The following PCDH15 variants were observed in gnomAD, a reference collection of about 807,000 sequenced individuals.
PCDH15 encodes the protein protocadherin-15.
In PCDH15, 129 loss-of-function variants were observed where a neutral mutation model predicts 178.5. The observed-to-expected ratio is 0.72, with a 90% CI of 0.63 to 0.84. PCDH15 has a LOEUF of 0.84. Ranked by LOEUF, PCDH15 falls within the 40% of genes least tolerant of loss-of-function variation. The probability of loss-of-function intolerance (pLI) is 0.00; values close to 1 mark genes in which losing one functional copy is unlikely to be tolerated. For synonymous variants in PCDH15, 800 were observed against 732.0 expected (o/e 1.09, Z -1.50); for missense variants, 2,230 against 2,099.9 (o/e 1.06, Z -1.21).
At chr10:55,334,238 A>ATGTGTGTG (rs1342496492) in intron 2 of PCDH15, among the ~76,000 whole-genome samples, 7 of 97,308 alleles carry the variant, frequency 7.2e-5, no homozygotes, top group African/African-American at 1.1e-4. Flanking sequence ...ATATATATAT[A>ATGTGTGTG]TATATGTGTG....
chr10:53,944,553 A>G (rs938479960), intron 23 of PCDH15, among the ~76,000 whole-genome samples: 11 of 152,292 alleles, frequency 7.2e-5, no homozygotes, highest in African/African-American at 2.6e-4. Context: ...CTTCCAATTT[A>G]AGCTTTTCGC....
intron 8 of PCDH15, among the ~76,000 whole-genome samples, chr10:54,288,663 T>A (rs1002555998): frequency 1.3e-5 from 2 of 152,184 alleles, no homozygotes; most frequent in African/African-American, 4.8e-5. Context: ...CCCGCCCAAA[T>A]ACTGTGCTTT....
chr10:54,211,340 G>A (rs1017908984), intron 10 of PCDH15, among the ~76,000 whole-genome samples: 3 of 152,076 alleles, frequency 2.0e-5, no homozygotes, highest in Admixed American at 6.6e-5. Flanking sequence ...TGTTCACAGT[G>A]TATATCACAT....
At chr10:55,503,395 A>AATTAT (rs1397837010) in intron 2 of PCDH15, among the ~76,000 whole-genome samples, 1 of 148,454 alleles carries the variant, frequency 6.7e-6, no homozygotes, top group East Asian at 2.0e-4. Flanking sequence ...AATAATTTAA[A>AATTAT]ATTATATTGT....
chr10:55,112,492 A>T (rs2252645), intron 2 of PCDH15, among the ~76,000 whole-genome samples: 2 of 152,054 alleles, frequency 1.3e-5, no homozygotes, highest in African/African-American at 4.8e-5. Context: ...GTAAAAGGAG[A>T]GAGAGAAACA....
chr10:54,067,031 A>AT, intron 17 of PCDH15, 146 bp from the exon 18 acceptor site: 1 of 701,268 alleles, frequency 1.4e-6, no homozygotes, highest in Non-Finnish European at 2.1e-6. Context: ...AAATAAAAAA[A>AT]TAAAAAAATT....
intron 2 of PCDH15, among the ~76,000 whole-genome samples, chr10:54,620,489 G>A (rs183634177): frequency 1.3e-5 from 2 of 152,026 alleles, no homozygotes; most frequent in East Asian, 1.9e-4. Context: ...TTCTAAAACC[G>A]ATTCTTTTTA....
intron 2 of PCDH15, among the ~76,000 whole-genome samples, chr10:55,327,377 G>C (rs1844060483): frequency 6.6e-6 from 1 of 151,900 alleles, no homozygotes; most frequent in South Asian, 2.1e-4. Flanking sequence ...AAATAATATA[G>C]ACCCAATGTG....
At position 54,238,677 on chromosome 10, in the gene PCDH15, T is replaced by TCACA. The variant is rs71476326; in HGVS notation, c.877-1750_877-1747dup. On this transcript the variant is annotated intron_variant, in intron 8 of 37. Transcript: ENST00000644397. ...CATGCTGCCTCTCTCTCTCTCTCTC[T>TCACA]CACACACACACACACACACACACAC... Among the ~76,000 whole-genome samples the TCACA allele has an allele frequency of 1.1e-3, 159 of 144,356 alleles. 2 individuals are homozygous for TCACA. The highest frequency in any genetic ancestry group is 1.5e-3 in the African/African-American group (56 of 37,338). The allele number at this position is 144,356 out of a possible 152,430, so 94.7% of individuals were successfully genotyped here. A position where few individuals can be genotyped will look rare whatever the true frequency, so the allele number is the denominator to read the frequency against.
Position 53,823,174 on chromosome 10 carries a change from C to T in PCDH15, c.4368-2944G>A, listed in dbSNP as rs768952458. 10 of 1,614,008 alleles carry T rather than the reference C, an allele frequency of 6.2e-6. No homozygotes were observed. The highest frequency in any genetic ancestry group is 1.6e-4 in the Middle Eastern group (1 of 6,062). On this transcript the variant is annotated intron_variant, in intron 32 of 37. Coordinates refer to ENST00000644397, the MANE Select transcript of PCDH15 (RefSeq NM_001384140.1). ...TTATGGGCACTTAAGTCATCCTCAT[C>T]AGATAGAAATGTGAATTTTCTTGCA...
At chr10:53,925,290 G>A (rs2084421308) in intron 25 of PCDH15, among the ~76,000 whole-genome samples, 2 of 151,758 alleles carry the variant, frequency 1.3e-5, no homozygotes, top group Admixed American at 6.6e-5. Context: ...AACTCCTGAT[G>A]GGAGGAACGA....
chr10:55,306,005 T>G (rs569333714), intron 1 of PCDH15, among the ~76,000 whole-genome samples: 2 of 152,332 alleles, frequency 1.3e-5, no homozygotes, highest in East Asian at 3.9e-4. Context: ...AAAAACAACT[T>G]TAGCCTGAAA....
chr10:53,831,307 A>ATACT lies in PCDH15; in HGVS notation c.4202+4_4202+7dup. On this transcript the variant is annotated splice_region_variant and intron_variant, in intron 30 of 37. Transcript: ENST00000644397. ...AACTATCCAGGTTTACCATCCTTGA[A>ATACT]TACTTACTGTCTGTAGCTGACCAAA... 9.3e-6 allele frequency: 15 copies of ATACT among 1,613,652 alleles called. No individual in the cohort carries two copies. Among genetic ancestry groups the ATACT allele is most frequent in the African/African-American group, 1.3e-5 (1 of 75,038 alleles).
chr10:54,929,563 C>T (rs1263517053), intron 2 of PCDH15, among the ~76,000 whole-genome samples: 5 of 152,186 alleles, frequency 3.3e-5, no homozygotes, highest in Non-Finnish European at 7.3e-5. Flanking sequence ...ATTTATCATA[C>T]CTTCTGACCG....
intron 2 of PCDH15, among the ~76,000 whole-genome samples, chr10:55,440,393 T>A (rs1839151821): frequency 6.6e-6 from 1 of 152,126 alleles, no homozygotes; most frequent in African/African-American, 2.4e-5. Context: ...AAAAGCCAAC[T>A]GATCAAATTA....
chr10:54,932,984 T>A (rs1278313421), intron 2 of PCDH15, among the ~76,000 whole-genome samples: 1 of 152,198 alleles, frequency 6.6e-6, no homozygotes, highest in African/African-American at 2.4e-5. Flanking sequence ...TGTACCATTT[T>A]TATCATTTAT....
At chr10:54,293,074 A>G (rs964728974) in intron 8 of PCDH15, among the ~76,000 whole-genome samples, 3 of 152,202 alleles carry the variant, frequency 2.0e-5, no homozygotes, top group Non-Finnish European at 4.4e-5. Context: ...CTATACCACA[A>G]AGCTACAGTA....
chr10:55,560,380 A>G (rs761942129), intron 2 of PCDH15, among the ~76,000 whole-genome samples: 5 of 151,912 alleles, frequency 3.3e-5, no homozygotes, highest in African/African-American at 4.8e-5. Flanking sequence ...ACCTTTGCAC[A>G]TCAATGAATT....
At chr10:55,579,609 G>A (rs184524608) in intron 2 of PCDH15, among the ~76,000 whole-genome samples, 47 of 152,186 alleles carry the variant, frequency 3.1e-4, no homozygotes, top group African/African-American at 1.1e-3. Context: ...ATTATGGAAG[G>A]AAGCAAAAAT....
Sources: gnomAD v4.1 joint callset for allele counts (sites outside exome capture counted in the v4.1 genomes callset) on GRCh38, gnomAD v4.1.1 for gene constraint, MANE v1.5 for transcripts, NCBI Gene and HGNC (gene_info 2026-07-23, HGNC 2026-07-21) for gene names.